NBAS: variants seen among roughly 807,000 people sequenced by gnomAD.
The protein encoded by NBAS is NAG/BC035112 fusion.
A neutral mutation model predicts 302.5 loss-of-function variants in NBAS; 219 were observed. That is an observed-to-expected ratio of 0.72 (90% CI 0.65 to 0.81). The LOEUF is 0.81. NBAS is among the 30% of genes least tolerant of loss of function. NBAS has a pLI of 0.00. For missense variants in NBAS, 2,932 were observed against 2,841.6 expected, an observed-to-expected ratio of 1.03 and a Z score of -0.72; for synonymous variants, 1,118 against 1,021.6, an observed-to-expected ratio of 1.09 and a Z score of -1.80.
At chr2:15,506,952 C>T (rs1049360499) in intron 10 of NBAS, among the ~76,000 whole-genome samples, 3 of 151,960 alleles carry the variant, frequency 2.0e-5, no homozygotes, top group Admixed American at 6.6e-5. Flanking sequence ...AATCTCCATT[C>T]GAGTGAATTC....
At chr2:15,410,137 A>G (rs1189686985) in intron 25 of NBAS, among the ~76,000 whole-genome samples, 1 of 152,156 alleles carries the variant, frequency 6.6e-6, no homozygotes, top group Non-Finnish European at 1.5e-5. Context: ...ATTCTACATT[A>G]TTGACAATGC....
the NBAS span, among the ~76,000 whole-genome samples, chr2:15,127,605 C>T: frequency 2.8e-4 from 43 of 152,312 alleles, no homozygotes; most frequent in African/African-American, 9.9e-4. Context: ...TAAGGCTGTT[C>T]TTCTTTTAAG....
chr2:15,206,131 G>A (rs1666132685), intron 48 of NBAS, among the ~76,000 whole-genome samples: 1 of 152,170 alleles, frequency 6.6e-6, no homozygotes, highest in Admixed American at 6.5e-5. Flanking sequence ...ATAGTGATAT[G>A]GACAATGAAA....
At chr2:15,521,524 G>A (rs1662670832) in intron 9 of NBAS, among the ~76,000 whole-genome samples, 1 of 152,046 alleles carries the variant, frequency 6.6e-6, no homozygotes, top group Non-Finnish European at 1.5e-5. Context: ...TAACACAGAT[G>A]GAAGTTTCTG....
At chr2:15,472,681 G>A (rs1006921255) in intron 16 of NBAS, among the ~76,000 whole-genome samples, 1 of 152,120 alleles carries the variant, frequency 6.6e-6, no homozygotes, top group Non-Finnish European at 1.5e-5. Flanking sequence ...GCAACCCAGA[G>A]AACTTCTCTT....
intron 38 of NBAS, among the ~76,000 whole-genome samples, chr2:15,321,395 G>C (rs1014825112): frequency 6.6e-6 from 1 of 152,072 alleles, no homozygotes; most frequent in African/African-American, 2.4e-5. Flanking sequence ...ATAGACAAAG[G>C]GGATCTAATT....
At chr2:15,361,079 G>T (rs1673897210) in intron 32 of NBAS, among the ~76,000 whole-genome samples, 1 of 152,138 alleles carries the variant, frequency 6.6e-6, no homozygotes, top group Admixed American at 6.5e-5. Context: ...TGAATAACGT[G>T]TTATAACGGC....
chr2:14,994,741 A>G, the NBAS span, among the ~76,000 whole-genome samples: 1 of 152,140 alleles, frequency 6.6e-6, no homozygotes, highest in African/African-American at 2.4e-5. Context: ...CCTGTCCCAC[A>G]TGGATTGTGG....
chr2:15,281,492 T>C lies in NBAS; in HGVS notation c.5139-4391A>G, dbSNP rs145467155. 6.0e-3 allele frequency among the ~76,000 whole-genome samples: 918 copies of C among 152,322 alleles called. 4 individuals are homozygous for C. The highest frequency in any genetic ancestry group is 0.019 in the African/African-American group (800 of 41,568). ...GCAATGTTAGGTTGCCAGGGCCATG[T>C]GATGGGTCTGGTAAATCTAGCCTGT... is the stretch of plus-strand genomic sequence containing the variant. On this transcript the variant is annotated intron_variant, in intron 42 of 51. Coordinates refer to ENST00000281513, the MANE Select transcript of NBAS (RefSeq NM_015909.4).
chr2:15,417,107 T>C (rs1676979082), intron 24 of NBAS, among the ~76,000 whole-genome samples: 1 of 152,204 alleles, frequency 6.6e-6, no homozygotes, highest in African/African-American at 2.4e-5. Context: ...AAAATTCTCT[T>C]AAACATACTA....
rs1572727239 is a variant in NBAS at position 15,366,586 on chromosome 2, C to T, written c.3811G>A (p.Val1271Ile). 2 of 1,613,732 alleles carry T rather than the reference C, an allele frequency of 1.2e-6. No homozygotes were observed. Among genetic ancestry groups the T allele is most frequent in the South Asian group, 1.1e-5 (1 of 91,060 alleles). The change falls in exon 32 of 52, where the codon GTT becomes ATT. Residue 1271 changes from valine to isoleucine, a missense_variant. Physicochemically the swap from Val to Ile is conservative, Grantham distance 29. Coordinates refer to ENST00000281513, the MANE Select transcript of NBAS (RefSeq NM_015909.4). The stretch of plus-strand genomic sequence containing the variant: ...TAGTACTCAAAAGACTTACCTGCAA[C>T]CCTCAGCAGCTCAGCAAGGCCCAGA... ...KLLGLAELLR[V>I]AGENPEERRG... is the part of the protein sequence containing the mutation.
the NBAS span, among the ~76,000 whole-genome samples, chr2:14,895,762 A>C: frequency 6.6e-6 from 1 of 151,980 alleles, no homozygotes; most frequent in African/African-American, 2.4e-5. Flanking sequence ...AGCTTCTGCA[A>C]AGAAAAAGAA....
In NBAS at chr2:15,311,693, G is replaced by A. The variant is rs73917936; in HGVS notation, c.4583-2446C>T. Reference sequence around the variant, plus strand: ...TCCTGTGGCTTAGCTGCTTCTCAACGAGCACTCAGCAATCATTTGAATTAG... The same window carrying A: ...TCCTGTGGCTTAGCTGCTTCTCAACAAGCACTCAGCAATCATTTGAATTAG... On this transcript the variant is annotated intron_variant, in intron 38 of 51. Coordinates refer to ENST00000281513, the MANE Select transcript of NBAS (RefSeq NM_015909.4). Among the ~76,000 whole-genome samples, 1,497 of 152,206 alleles carry A rather than the reference G, an allele frequency of 9.8e-3. 23 individuals are homozygous for A. Among genetic ancestry groups the A allele is most frequent in the African/African-American group, 0.031 (1,289 of 41,530 alleles).
intron 21 of NBAS, among the ~76,000 whole-genome samples, chr2:15,455,243 G>C (rs1165659429): frequency 6.6e-6 from 1 of 152,112 alleles, no homozygotes; most frequent in South Asian, 2.1e-4. Context: ...ATGTTCCAGT[G>C]AGCAAAGTTC....
At chr2:14,788,618 C>T in the NBAS span, among the ~76,000 whole-genome samples, 8 of 152,268 alleles carry the variant, frequency 5.3e-5, no homozygotes, top group East Asian at 1.9e-4. Context: ...CACAGAACAG[C>T]GGTGGCCACA....
chr2:15,411,049 G>C (rs1278842484), intron 25 of NBAS, among the ~76,000 whole-genome samples: 1 of 152,078 alleles, frequency 6.6e-6, no homozygotes, highest in Non-Finnish European at 1.5e-5. Context: ...TCCTCCTCCT[G>C]TTCTTTTGCT....
At chr2:15,088,983 G>A in the NBAS span, among the ~76,000 whole-genome samples, 1 of 152,144 alleles carries the variant, frequency 6.6e-6, no homozygotes, top group East Asian at 1.9e-4. Context: ...GTGTCCCTCT[G>A]TTGATACCCC....
intron 25 of NBAS, among the ~76,000 whole-genome samples, chr2:15,411,113 A>G (rs1378541561): frequency 1.3e-5 from 2 of 152,104 alleles, no homozygotes; most frequent in African/African-American, 2.4e-5. Context: ...GCTGGGGCCA[A>G]CCGACTGGCC....
chr2:15,007,931 T>C, the NBAS span, among the ~76,000 whole-genome samples: 1 of 152,198 alleles, frequency 6.6e-6, no homozygotes, highest in Non-Finnish European at 1.5e-5. Flanking sequence ...AATACCTAAC[T>C]TAAGAGCTAT....
Sources: allele counts gnomAD v4.1 joint callset (sites outside exome capture counted in the v4.1 genomes callset), GRCh38; gene constraint gnomAD v4.1.1; transcripts MANE v1.5; gene names NCBI Gene and HGNC (gene_info 2026-07-23, HGNC 2026-07-21).